The following PNISR variants were observed in gnomAD, a reference collection of about 807,000 sequenced individuals.
PNISR encodes arginine/serine-rich protein PNISR.
A neutral mutation model predicts 93.4 loss-of-function variants in PNISR; 20 were observed. The observed-to-expected ratio is 0.21, with a 90% CI of 0.15 to 0.31. The LOEUF (loss-of-function observed/expected upper bound fraction) is 0.31. Ranked by LOEUF, PNISR falls within the 10% of genes least tolerant of loss-of-function variation. The probability of loss-of-function intolerance (pLI) is 1.00; values close to 1 mark genes in which losing one functional copy is unlikely to be tolerated. For synonymous variants in PNISR, 305 were observed against 306.5 expected, an observed-to-expected ratio of 0.99 and a Z score of 0.05; for missense variants, 893 against 985.4, an observed-to-expected ratio of 0.91 and a Z score of 1.25.
At chr6:99,415,492 G>A (rs1009786441) in intron 2 of PNISR, 22 of 152,126 alleles carry the variant, frequency 1.4e-4, no homozygotes, top group African/African-American at 5.3e-4. Context: ...ATGGTATGGG[G>A]GGGAATCATC....
intron 8 of PNISR, among the ~76,000 whole-genome samples, chr6:99,405,362 G>A (rs1776026023): frequency 6.6e-6 from 1 of 152,022 alleles, no homozygotes; most frequent in Admixed American, 6.5e-5. Context: ...AACTACTCGG[G>A]AGGCAGAGGC....
At chr6:99,420,331 T>G (rs5027414) in intron 1 of PNISR, among the ~76,000 whole-genome samples, 68,195 of 152,126 alleles carry the variant, frequency 0.45, 16,028 homozygotes, top group Middle Eastern at 0.63. Flanking sequence ...AAAACAAAAT[T>G]TGCACTTACA....
chr6:99,417,116 C>A (rs1177400407), intron 1 of PNISR, among the ~76,000 whole-genome samples: 1 of 152,174 alleles, frequency 6.6e-6, no homozygotes, highest in Non-Finnish European at 1.5e-5. Context: ...GAGTTCAATG[C>A]ATAATTTTTC....
In PNISR at chr6:99,400,591, C is replaced by A; in HGVS notation, c.2367G>T (p.Arg789Ser). 1 of 1,614,006 alleles carries A rather than the reference C, an allele frequency of 6.2e-7. No individual in the cohort carries two copies. The highest frequency in any genetic ancestry group is 8.5e-7 in the Non-Finnish European group (1 of 1,179,980). ...SRSRSVEKSQ[R>S]SGKKASRKHK... ...GTTTGCGGCTTGCCTTCTTACCAGA[C>A]CTTTGAGATTTCTCCACGGATCGCG... Residue 789 changes from arginine to serine, a missense_variant, in exon 12 of 12, where the codon AGG becomes AGT. Coordinates refer to ENST00000369239, the MANE Select transcript of PNISR (RefSeq NM_032870.4).
intron 2 of PNISR, 175 bp from the exon 3 acceptor site, chr6:99,414,865 ATGT>A: frequency 2.7e-6 from 1 of 373,074 alleles, no homozygotes; most frequent in Non-Finnish European, 4.8e-6. Flanking sequence ...AGAAAATTTT[ATGT>A]TAATGCTGGT....
chr6:99,404,243 T>C (rs888648180), intron 9 of PNISR: 11 of 367,524 alleles, frequency 3.0e-5, no homozygotes, highest in African/African-American at 2.1e-4. Flanking sequence ...AACTAAAAAT[T>C]GTAGGTAGAT....
Position 99,400,739 on chromosome 6 carries a change from C to T in PNISR, c.2219G>A (p.Ser740Asn). 6.2e-7 allele frequency: 1 copy of T among 1,611,054 alleles called. No individual in the cohort carries two copies. The highest frequency in any genetic ancestry group is 8.5e-7 in the Non-Finnish European group (1 of 1,178,808). ...ACTATCTTTGGTAGTACTTTTCTTA[C>T]TATCCTGTCTAGAATCATGTCTTAT... ...KIIRHDSRQD[S>N]KKSTTKDSKK... Residue 740 changes from serine (S) to asparagine (N), a missense_variant, in exon 12 of 12, where the codon AGT becomes AAT. This residue lies in a region of PNISR where 866 missense variants were observed against 935.1 expected (regional missense o/e 0.93). Transcript: ENST00000369239.
chr6:99,416,340 T>G lies in PNISR; in HGVS notation c.-32+9A>C. ...CCAAGAAGACACACCAACTGCTATT[T>G]AAACTGACCTCAGAGGTTCACCTTC... is the stretch of plus-strand genomic sequence containing the variant. On this transcript the variant is annotated intron_variant, in intron 2 of 11. Transcript: ENST00000369239. 1 of 1,019,708 alleles carries G rather than the reference T, an allele frequency of 9.8e-7. No individual in the cohort carries two copies. Among genetic ancestry groups the G allele is most frequent in the African/African-American group, 1.7e-5 (1 of 60,306 alleles). 63.2% of individuals were successfully genotyped at this position (1,019,708 alleles called of 1,614,324 possible).
chr6:99,405,152 T>C (rs940072021), intron 8 of PNISR, among the ~76,000 whole-genome samples: 20 of 152,290 alleles, frequency 1.3e-4, no homozygotes, highest in African/African-American at 4.3e-4. Flanking sequence ...TGAACATTTT[T>C]CTGTAACATC....
intron 4 of PNISR, among the ~76,000 whole-genome samples, chr6:99,411,365 G>T (rs1335727455): frequency 6.6e-6 from 1 of 152,196 alleles, no homozygotes; most frequent in East Asian, 1.9e-4. Context: ...GAGAAATTAG[G>T]TATTATTTTT....
rs1776827238 is a variant in PNISR, at chr6:99,410,882, A to G, written c.360T>C (p.Val120=). Residue 120 remains valine, a synonymous_variant, in exon 5 of 12, where the codon GTT becomes GTC. Transcript: ENST00000369239. The part of the protein sequence containing the change: ...MPPTPGPMDI[V]PPSEDSNSQD... ...GACTGTTGCTGTCTTCAGAAGGAGG[A>G]ACAATGTCCATTGGGCCTGGTGTTG... 1 of 1,614,058 alleles carries G rather than the reference A, an allele frequency of 6.2e-7. No individual in the cohort carries two copies. Among genetic ancestry groups the G allele is most frequent in the Non-Finnish European group, 8.5e-7 (1 of 1,179,996 alleles).
intron 1 of PNISR, among the ~76,000 whole-genome samples, chr6:99,416,868 G>T (rs902070969): frequency 1.3e-5 from 2 of 152,224 alleles, no homozygotes; most frequent in East Asian, 1.9e-4. Context: ...TCCTGAAATG[G>T]TTTAGTTTCC....
intron 2 of PNISR, 108 bp from the exon 3 acceptor site, chr6:99,414,798 A>G (rs1226967211): frequency 8.1e-6 from 4 of 495,832 alleles, no homozygotes; most frequent in African/African-American, 8.0e-5. Flanking sequence ...AGAGGTCTAA[A>G]ATTCTTGTCA....
chr6:99,410,210 C>A (rs143033314), intron 5 of PNISR: 1 of 153,530 alleles, frequency 6.5e-6, no homozygotes, highest in Non-Finnish European at 1.4e-5. Flanking sequence ...CAACACTATT[C>A]CCCACAGAGT....
At chr6:99,420,473 T>C (rs1303915479) in intron 1 of PNISR, among the ~76,000 whole-genome samples, 1 of 152,216 alleles carries the variant, frequency 6.6e-6, no homozygotes, top group Non-Finnish European at 1.5e-5. Flanking sequence ...ATTGTTTAAT[T>C]AAACAGTAAG....
At chr6:99,422,888 A>C (rs1370317365) in intron 1 of PNISR, among the ~76,000 whole-genome samples, 1 of 151,574 alleles carries the variant, frequency 6.6e-6, no homozygotes, top group African/African-American at 2.4e-5. Flanking sequence ...AAAAAAAAAA[A>C]AAAAAAAAAA....
chr6:99,415,493 G>A (rs1777561780), intron 2 of PNISR: 1 of 152,208 alleles, frequency 6.6e-6, no homozygotes, highest in African/African-American at 2.4e-5. Context: ...TGGTATGGGG[G>A]GGAATCATCA....
chr6:99,419,814 C>T (rs1471567972), intron 1 of PNISR, among the ~76,000 whole-genome samples: 1 of 151,498 alleles, frequency 6.6e-6, no homozygotes, highest in African/African-American at 2.4e-5. Context: ...ATACCTGATT[C>T]CTATTTCCAA....
At position 99,401,520 on chromosome 6, in the gene PNISR, T is replaced by G. The variant is rs1451911726; in HGVS notation, c.1438A>C (p.Asn480His). Residue 480 changes from asparagine (N) to histidine (H), a missense_variant, in exon 12 of 12, where the codon AAT (asparagine) becomes CAT (histidine). Transcript: ENST00000369239. ...EAREADGDVV[N>H]EKKRTPNETT... Reference sequence around the variant, plus strand: ...TCATTTGGAGTTCTCTTCTTTTCATTAACCACATCACCGTCTGCTTCTCTT... The same window carrying G: ...TCATTTGGAGTTCTCTTCTTTTCATGAACCACATCACCGTCTGCTTCTCTT... 1 of 1,613,114 alleles carries G rather than the reference T, an allele frequency of 6.2e-7. No individual in the cohort carries two copies. The highest frequency in any genetic ancestry group is 1.1e-5 in the South Asian group (1 of 90,898).
Sources: gnomAD v4.1 joint callset for allele counts (sites outside exome capture counted in the v4.1 genomes callset) on GRCh38, gnomAD v4.1.1 for gene constraint, gnomAD v4.1.1 regional missense constraint, MANE v1.5 for transcripts, NCBI Gene and HGNC (gene_info 2026-07-23, HGNC 2026-07-21) for gene names.